The following FIG4 variants were observed in gnomAD, a reference collection of about 807,000 sequenced individuals.
The protein encoded by FIG4 is FIG4 phosphoinositide 5-phosphatase.
In FIG4, 112 loss-of-function variants were observed where a neutral mutation model predicts 118.6. The observed-to-expected ratio is 0.94, with a 90% CI of 0.81 to 1.11. The LOEUF (loss-of-function observed/expected upper bound fraction) is 1.11. Ranked by LOEUF, FIG4 falls within the 50% of genes least tolerant of loss-of-function variation. FIG4 has a pLI of 0.00. For synonymous variants in FIG4, 369 were observed against 381.2 expected (o/e 0.97, Z 0.37); for missense variants, 969 against 1,111.7 (o/e 0.87, Z 1.83).
chr6:109,704,080 T>C (rs1774984040), intron 1 of FIG4, among the ~76,000 whole-genome samples: 1 of 152,216 alleles, frequency 6.6e-6, no homozygotes, highest in Non-Finnish European at 1.5e-5. Context: ...TCTCTGGGCA[T>C]GTTGTGAACA....
At chr6:109,754,442 A>T (rs1203667226) in intron 10 of FIG4, among the ~76,000 whole-genome samples, 1 of 152,210 alleles carries the variant, frequency 6.6e-6, no homozygotes, top group Non-Finnish European at 1.5e-5. Context: ...TATCAGGATG[A>T]TGCTGGCCTC....
chr6:109,779,422 A>T (rs1335090393), intron 16 of FIG4, among the ~76,000 whole-genome samples: 1 of 152,206 alleles, frequency 6.6e-6, no homozygotes, highest in East Asian at 1.9e-4. Context: ...CATTTTCTAA[A>T]AAAGGAAATT....
chr6:109,722,165 CT>C lies in FIG4; in HGVS notation c.290-4933del, dbSNP rs1016123492. Among the ~76,000 whole-genome samples the C allele has an allele frequency of 1.6e-3, 234 of 145,470 alleles. 2 individuals are homozygous for C. The highest frequency in any genetic ancestry group is 9.9e-4 in the East Asian group (5 of 5,030). ...TTGCTTTTAGTAAAGTTGTCATCAG[CT>C]TTTTTTTTTTCCTTCCTTCCCATTC... is the stretch of plus-strand genomic sequence containing the variant. On this transcript the variant is annotated intron_variant, in intron 3 of 22. Transcript: ENST00000230124.
chr6:109,795,595 CTTTTTTTTTTTTTTTT>C (rs72384711), intron 21 of FIG4, among the ~76,000 whole-genome samples: 1 of 69,528 alleles, frequency 1.4e-5, no homozygotes, highest in African/African-American at 6.4e-5. Flanking sequence ...GGTTTCAGTC[CTTTTTTTTTTTTTTTT>C]TTTTTTTTTT....
At chr6:109,751,826 A>G (rs985541302) in intron 10 of FIG4, among the ~76,000 whole-genome samples, 48 of 135,582 alleles carry the variant, frequency 3.5e-4, no homozygotes, top group Non-Finnish European at 1.8e-4. Flanking sequence ...TTTTTTAAGT[A>G]TTTTTTTTCT....
intron 11 of FIG4, among the ~76,000 whole-genome samples, chr6:109,760,794 G>A (rs746988705): frequency 6.6e-6 from 1 of 152,132 alleles, no homozygotes. Flanking sequence ...GCTTCAGAAT[G>A]TGACCACTTT....
intron 3 of FIG4, among the ~76,000 whole-genome samples, chr6:109,726,090 G>A (rs1238639523): frequency 6.6e-6 from 1 of 151,524 alleles, no homozygotes; most frequent in Non-Finnish European, 1.5e-5. Context: ...CTGTGCAGAA[G>A]CTCTTTAGTT....
At chr6:109,811,013 G>A (rs1778705186) in intron 22 of FIG4, among the ~76,000 whole-genome samples, 2 of 152,070 alleles carry the variant, frequency 1.3e-5, no homozygotes, top group South Asian at 4.1e-4. Flanking sequence ...TGCTTAGAAA[G>A]GTTTTATTTT....
chr6:109,741,350 C>A, intron 7 of FIG4, 94 bp from the exon 8 acceptor site: 1 of 844,816 alleles, frequency 1.2e-6, no homozygotes, highest in Non-Finnish European at 2.1e-6. Flanking sequence ...AGCCATTGGA[C>A]AAGCTGTATC....
intron 9 of FIG4, 67 bp from the exon 10 acceptor site, chr6:109,743,608 C>T: frequency 8.2e-7 from 1 of 1,216,140 alleles, no homozygotes. Context: ...AAAAAACAAC[C>T]CTATGCTTCT....
chr6:109,716,888 C>T (rs1775448686), intron 3 of FIG4, among the ~76,000 whole-genome samples: 1 of 152,124 alleles, frequency 6.6e-6, no homozygotes, highest in South Asian at 2.1e-4. Context: ...TAAACATCCA[C>T]CCTGCCATTC....
chr6:109,756,045 A>G (rs1452108220), intron 10 of FIG4, among the ~76,000 whole-genome samples: 2 of 152,170 alleles, frequency 1.3e-5, no homozygotes, highest in Non-Finnish European at 2.9e-5. Context: ...TGGTCTTTAC[A>G]TTTTGACATG....
intron 22 of FIG4, among the ~76,000 whole-genome samples, chr6:109,799,078 A>G (rs913240413): frequency 2.0e-5 from 3 of 152,182 alleles, no homozygotes; most frequent in African/African-American, 7.2e-5. Flanking sequence ...TAAAAACAAA[A>G]CATTTCCCCC....
intron 22 of FIG4, among the ~76,000 whole-genome samples, chr6:109,822,779 GTGTGTA>G (rs1449951797): frequency 1.1e-3 from 65 of 61,402 alleles, no homozygotes; most frequent in African/African-American, 4.3e-3. Context: ...ATATGTGTGT[GTGTGTA>G]TGTATATATA....
intron 1 of FIG4, among the ~76,000 whole-genome samples, chr6:109,706,285 A>G (rs1489672824): frequency 6.6e-6 from 1 of 152,180 alleles, no homozygotes; most frequent in Non-Finnish European, 1.5e-5. Context: ...TGGGTGGTTC[A>G]CTGGCCTTGT....
chr6:109,734,596 G>A (rs1210872530), intron 5 of FIG4, among the ~76,000 whole-genome samples: 2 of 151,778 alleles, frequency 1.3e-5, no homozygotes, highest in Non-Finnish European at 2.9e-5. Flanking sequence ...AATTTAATTT[G>A]CACAGAGACG....
chr6:109,804,028 G>T (rs1404297727), intron 22 of FIG4, among the ~76,000 whole-genome samples: 2 of 152,084 alleles, frequency 1.3e-5, no homozygotes, highest in Non-Finnish European at 2.9e-5. Flanking sequence ...AAGGATTCTT[G>T]TCAGATTAAA....
At chr6:109,824,686 TG>T (rs1779106585) in intron 22 of FIG4, among the ~76,000 whole-genome samples, 1 of 152,234 alleles carries the variant, frequency 6.6e-6, no homozygotes, top group Non-Finnish European at 1.5e-5. Context: ...CTTGCTTCAC[TG>T]ATTTCTACTA....
At chr6:109,769,586 C>T (rs2128393249) in intron 15 of FIG4, among the ~76,000 whole-genome samples, 1 of 151,830 alleles carries the variant, frequency 6.6e-6, no homozygotes, top group Admixed American at 6.6e-5. Flanking sequence ...TCATGTTATG[C>T]CTCTGGGCTA....
Sources: gnomAD v4.1 joint callset for allele counts (sites outside exome capture counted in the v4.1 genomes callset) on GRCh38, gnomAD v4.1.1 for gene constraint, MANE v1.5 for transcripts, NCBI Gene and HGNC (gene_info 2026-07-23, HGNC 2026-07-21) for gene names.